The following ADGRB3 variants were observed in gnomAD, a reference collection of about 807,000 sequenced individuals.
ADGRB3 encodes adhesion G protein-coupled receptor B3, also known as brain-specific angiogenesis inhibitor 3.
ADGRB3 carries 37 observed loss-of-function variants against 193.4 expected under a neutral mutation model. The observed-to-expected ratio is 0.19, with a 90% CI of 0.15 to 0.25. The LOEUF (loss-of-function observed/expected upper bound fraction) is 0.25. ADGRB3 is among the 10% of genes least tolerant of loss of function. The pLI is 1.00. For missense variants in ADGRB3, 1,637 were observed against 1,852.9 expected (o/e 0.88, Z 2.14); for synonymous variants, 690 against 644.2 (o/e 1.07, Z -1.08).
At chr6:68,870,772 A>G (rs967083448) in intron 3 of ADGRB3, among the ~76,000 whole-genome samples, 2 of 152,216 alleles carry the variant, frequency 1.3e-5, no homozygotes, top group Non-Finnish European at 2.9e-5. Context: ...GAGAGAAATA[A>G]TACCTGCCTC....
chr6:68,793,095 T>C (rs12204402), intron 3 of ADGRB3, among the ~76,000 whole-genome samples: 6 of 152,176 alleles, frequency 3.9e-5, no homozygotes, highest in Non-Finnish European at 8.8e-5. Context: ...TTGATTCAGT[T>C]TGCGATCCTG....
chr6:69,066,646 T>G (rs1771919255), intron 16 of ADGRB3, among the ~76,000 whole-genome samples: 1 of 152,116 alleles, frequency 6.6e-6, no homozygotes, highest in Non-Finnish European at 1.5e-5. Context: ...CTTAGTTCAG[T>G]TTTTCAGGCT....
At chr6:69,340,646 G>A (rs537343317) in intron 26 of ADGRB3, among the ~76,000 whole-genome samples, 2 of 152,128 alleles carry the variant, frequency 1.3e-5, no homozygotes, top group Non-Finnish European at 2.9e-5. Flanking sequence ...TTTAAGTTCT[G>A]AGATACATGT....
intron 3 of ADGRB3, among the ~76,000 whole-genome samples, chr6:68,712,371 T>C (rs1437975080): frequency 6.6e-6 from 1 of 151,958 alleles, no homozygotes; most frequent in African/African-American, 2.4e-5. Context: ...TTTTAAACTC[T>C]TTTTTGCATT....
At chr6:68,726,509 C>T (rs1765676333) in intron 3 of ADGRB3, among the ~76,000 whole-genome samples, 1 of 151,550 alleles carries the variant, frequency 6.6e-6, no homozygotes, top group Admixed American at 6.6e-5. Context: ...GGTTTGCTGC[C>T]ATCTGTCTTA....
chr6:68,825,547 G>T (rs902231966), intron 3 of ADGRB3, among the ~76,000 whole-genome samples: 2 of 152,148 alleles, frequency 1.3e-5, no homozygotes, highest in South Asian at 4.1e-4. Context: ...ACACTGATAT[G>T]GTTAGGCTTC....
At position 68,772,884 on chromosome 6, in the gene ADGRB3, A is replaced by AC. The variant is rs1554191308; in HGVS notation, c.757+133452_757+133453insC. 2.3e-4 allele frequency among the ~76,000 whole-genome samples: 8 copies of AC among 35,272 alleles called. 1 individual carries two copies. Among genetic ancestry groups the AC allele is most frequent in the African/African-American group, 1.1e-3 (5 of 4,524 alleles). 23.1% of individuals were successfully genotyped at this position (35,272 alleles called of 152,430 possible). ...AAACAAACAAACAAACAAACAAACA[A>AC]AAAAAAAAAAATATATATATATATA... On this transcript the variant is annotated intron_variant, in intron 3 of 31. Transcript: ENST00000370598.
intron 3 of ADGRB3, among the ~76,000 whole-genome samples, chr6:68,883,494 T>C (rs1017747381): frequency 4.6e-5 from 7 of 152,192 alleles, no homozygotes; most frequent in Admixed American, 1.3e-4. Flanking sequence ...GCTCATTGGG[T>C]CTGTACTGCC....
At chr6:69,380,322 A>T (rs73473363) in intron 30 of ADGRB3, among the ~76,000 whole-genome samples, 2,012 of 152,084 alleles carry the variant, frequency 0.013, 44 homozygotes, top group African/African-American at 0.044. Context: ...ATTTCCAGCA[A>T]CATGGGAAGG....
At chr6:69,352,241 A>G (rs183317933) in intron 26 of ADGRB3, among the ~76,000 whole-genome samples, 3 of 152,310 alleles carry the variant, frequency 2.0e-5, no homozygotes, top group African/African-American at 7.2e-5. Context: ...TTCTTAATCT[A>G]AAAAGGAGGA....
chr6:69,093,368 G>A (rs1772771255), intron 17 of ADGRB3, among the ~76,000 whole-genome samples: 1 of 151,894 alleles, frequency 6.6e-6, no homozygotes, highest in South Asian at 2.1e-4. Flanking sequence ...AGGGGAGGTA[G>A]TGGGCATCTT....
At chr6:69,299,016 C>T (rs1310563795) in intron 20 of ADGRB3, among the ~76,000 whole-genome samples, 4 of 151,832 alleles carry the variant, frequency 2.6e-5, no homozygotes, top group African/African-American at 7.3e-5. Context: ...AAGAAGATTC[C>T]CTTTCTCCAC....
chr6:68,998,486 C>T (rs1769461093), intron 11 of ADGRB3, among the ~76,000 whole-genome samples: 1 of 152,166 alleles, frequency 6.6e-6, no homozygotes, highest in Non-Finnish European at 1.5e-5. Context: ...TATCACATTA[C>T]TAAATCAACA....
chr6:68,868,395 C>T (rs1203760032), intron 3 of ADGRB3, among the ~76,000 whole-genome samples: 1 of 152,142 alleles, frequency 6.6e-6, no homozygotes. Flanking sequence ...TCAATTAAAC[C>T]TCTTTTCTTT....
intron 3 of ADGRB3, among the ~76,000 whole-genome samples, chr6:68,895,394 T>C (rs1194048387): frequency 1.3e-5 from 2 of 152,126 alleles, no homozygotes; most frequent in East Asian, 3.9e-4. Flanking sequence ...CAAAATTTTG[T>C]GATGACATCT....
At chr6:69,178,806 T>C (rs1283496001) in intron 17 of ADGRB3, among the ~76,000 whole-genome samples, 1 of 152,226 alleles carries the variant, frequency 6.6e-6, no homozygotes, top group Non-Finnish European at 1.5e-5. Flanking sequence ...TAAGGTTTCA[T>C]CTGACAAGTC....
At chr6:69,297,390 C>A (rs866332068) in intron 20 of ADGRB3, among the ~76,000 whole-genome samples, 59 of 124,590 alleles carry the variant, frequency 4.7e-4, no homozygotes, top group African/African-American at 1.5e-3. Flanking sequence ...CTCTCTCTCT[C>A]TATCTCTCTC....
intron 16 of ADGRB3, among the ~76,000 whole-genome samples, chr6:69,074,159 A>G (rs1011692507): frequency 6.6e-6 from 1 of 152,222 alleles, no homozygotes; most frequent in Admixed American, 6.5e-5. Flanking sequence ...TGCTTAAAAA[A>G]AAAAAGTAAG....
chr6:69,175,501 T>A (rs1775396063), intron 17 of ADGRB3, among the ~76,000 whole-genome samples: 1 of 152,184 alleles, frequency 6.6e-6, no homozygotes, highest in South Asian at 2.1e-4. Context: ...GGTGTATGTG[T>A]CTGTTTTTGT....
Sources: allele counts gnomAD v4.1 joint callset (sites outside exome capture counted in the v4.1 genomes callset), GRCh38; gene constraint gnomAD v4.1.1; transcripts MANE v1.5; gene names NCBI Gene and HGNC (gene_info 2026-07-23, HGNC 2026-07-21).